The following ECM2 variants were observed in gnomAD, a reference collection of about 807,000 sequenced individuals.
ECM2 encodes the protein extracellular matrix protein 2, female organ and adipocyte specific.
A neutral mutation model predicts 67.5 loss-of-function variants in ECM2; 57 were observed. That is an observed-to-expected ratio of 0.84 (90% confidence interval 0.68 to 1.05). ECM2 has a LOEUF of 1.05. ECM2 is among the 50% of genes least tolerant of loss of function. The pLI, the probability that ECM2 is intolerant of heterozygous loss-of-function variation, is 0.00. For synonymous variants in ECM2, 258 were observed against 294.5 expected, an observed-to-expected ratio of 0.88 and a Z score of 1.27; for missense variants, 741 against 822.8, an observed-to-expected ratio of 0.90 and a Z score of 1.22.
chr9:92,552,182 CTATCATAT>C, the ECM2 span, among the ~76,000 whole-genome samples: 789 of 115,000 alleles, frequency 6.9e-3, 8 homozygotes, highest in South Asian at 0.021. Flanking sequence ...TATGATAGAT[CTATCATAT>C]ACACACACAC....
chr9:92,495,590 TTAA>T lies in ECM2; in HGVS notation c.*722_*724del. 1 of 975,710 alleles carries T rather than the reference TTAA, an allele frequency of 1.0e-6. No homozygotes were observed. Among genetic ancestry groups the T allele is most frequent in the Non-Finnish European group, 1.2e-6 (1 of 821,054 alleles). The allele number at this position is 975,710 out of a possible 1,614,324, so 60.4% of individuals were successfully genotyped here. A position where few individuals can be genotyped will look rare whatever the true frequency, so the allele number is the denominator to read the frequency against. ...TGAGTGAGGAATAGTGAAGGTAATC[TTAA>T]TATACTGTTTAACTTTAAAAAATAA... On this transcript the variant is annotated 3_prime_UTR_variant, in exon 10 of 10. Coordinates refer to ENST00000344604, the MANE Select transcript of ECM2 (RefSeq NM_001393.4).
upstream of ECM2, among the ~76,000 whole-genome samples, chr9:92,539,337 T>G (rs1849262483): frequency 6.8e-6 from 1 of 147,816 alleles, no homozygotes. Context: ...TCTCCCGCCT[T>G]CCCCCGCTCC....
the ECM2 span, among the ~76,000 whole-genome samples, chr9:92,543,103 G>A: frequency 1.3e-5 from 2 of 152,132 alleles, no homozygotes; most frequent in South Asian, 4.1e-4. Context: ...GTACTATGCT[G>A]TTTGGATTAC....
chr9:92,554,092 A>G, the ECM2 span, among the ~76,000 whole-genome samples: 1 of 151,564 alleles, frequency 6.6e-6, no homozygotes, highest in Non-Finnish European at 1.5e-5. Flanking sequence ...TTGTGTGCCG[A>G]TTTTGTTGAG....
At chr9:92,555,762 T>C in the ECM2 span, among the ~76,000 whole-genome samples, 6 of 152,198 alleles carry the variant, frequency 3.9e-5, no homozygotes, top group African/African-American at 1.4e-4. Flanking sequence ...TTAGTGAAGT[T>C]ATTTGGATTT....
At chr9:92,530,426 A>G (rs941986431) in intron 1 of ECM2, among the ~76,000 whole-genome samples, 70 of 152,242 alleles carry the variant, frequency 4.6e-4, no homozygotes, top group African/African-American at 1.6e-3. Context: ...TCTGTTAAAA[A>G]ATTAGTAGTC....
At chr9:92,543,928 GT>G in the ECM2 span, among the ~76,000 whole-genome samples, 2 of 152,160 alleles carry the variant, frequency 1.3e-5, no homozygotes. Flanking sequence ...AATTCTAGCA[GT>G]TTTTTGGTGC....
the ECM2 span, among the ~76,000 whole-genome samples, chr9:92,551,188 C>T: frequency 2.0e-5 from 3 of 151,960 alleles, no homozygotes; most frequent in Admixed American, 1.3e-4. Context: ...TTAAGTGTGA[C>T]GCTGGGATTG....
intron 1 of ECM2, among the ~76,000 whole-genome samples, chr9:92,525,257 G>T (rs998736737): frequency 6.6e-6 from 1 of 151,884 alleles, no homozygotes; most frequent in African/African-American, 2.4e-5. Context: ...GTTCAAGGTT[G>T]CAGTGAGCAA....
At chr9:92,509,267 C>A (rs1012286083) in intron 6 of ECM2, among the ~76,000 whole-genome samples, 4 of 152,052 alleles carry the variant, frequency 2.6e-5, no homozygotes, top group Admixed American at 1.3e-4. Context: ...CAGCCCAAGC[C>A]CTCTCAGGCA....
the ECM2 span, among the ~76,000 whole-genome samples, chr9:92,551,636 A>G: frequency 6.6e-6 from 1 of 151,958 alleles, no homozygotes; most frequent in Non-Finnish European, 1.5e-5. Context: ...AGCAGTATAC[A>G]CTGCACCCTA....
chr9:92,545,286 G>A, the ECM2 span, among the ~76,000 whole-genome samples: 40 of 152,262 alleles, frequency 2.6e-4, no homozygotes, highest in East Asian at 7.0e-3. Flanking sequence ...AGGTACGGGC[G>A]GGAACCAGGG....
At chr9:92,501,103 A>G in intron 8 of ECM2, 50 bp from the exon 9 acceptor site, 4 of 1,563,706 alleles carry the variant, frequency 2.6e-6, no homozygotes, top group Non-Finnish European at 3.5e-6. Context: ...GATGGTGATC[A>G]TCAGCTCTAA....
chr9:92,524,898 A>G (rs530081964), intron 1 of ECM2, among the ~76,000 whole-genome samples: 1 of 152,296 alleles, frequency 6.6e-6, no homozygotes, highest in Non-Finnish European at 1.5e-5. Context: ...GAATGGTAAA[A>G]CATTCAAGGT....
chr9:92,534,318 CTCAGTACT>C (rs1849038032), intron 1 of ECM2, among the ~76,000 whole-genome samples: 1 of 152,162 alleles, frequency 6.6e-6, no homozygotes, highest in Non-Finnish European at 1.5e-5. Flanking sequence ...CCTCTTGAAT[CTCAGTACT>C]TCTTTTTATA....
At chr9:92,532,781 A>C (rs1848878652) in intron 1 of ECM2, among the ~76,000 whole-genome samples, 1 of 151,856 alleles carries the variant, frequency 6.6e-6, no homozygotes, top group Non-Finnish European at 1.5e-5. Flanking sequence ...GTGTCTGAAG[A>C]CTAGGTTTTC....
chr9:92,552,507 C>G, the ECM2 span, among the ~76,000 whole-genome samples: 1 of 152,014 alleles, frequency 6.6e-6, no homozygotes, highest in South Asian at 2.1e-4. Flanking sequence ...CCAACATCTA[C>G]TGTTTTTTGA....
chr9:92,517,398 T>C (rs1847795628), intron 3 of ECM2: 2 of 565,246 alleles, frequency 3.5e-6, no homozygotes, highest in Admixed American at 6.5e-5. Flanking sequence ...GGATCTGTTG[T>C]AGAAATTCTG....
intron 5 of ECM2, among the ~76,000 whole-genome samples, chr9:92,511,572 C>G (rs1847346698): frequency 6.6e-6 from 1 of 152,014 alleles, no homozygotes; most frequent in Non-Finnish European, 1.5e-5. Context: ...TCCAGAACCC[C>G]CTTCTGCCAA....
Sources: allele counts gnomAD v4.1 joint callset (sites outside exome capture counted in the v4.1 genomes callset), GRCh38; gene constraint gnomAD v4.1.1; transcripts MANE v1.5; gene names NCBI Gene and HGNC (gene_info 2026-07-23, HGNC 2026-07-21).